The following DNAH6 variants were observed in gnomAD, a reference collection of about 807,000 sequenced individuals.
DNAH6 encodes the protein axonemal beta dynein heavy chain 6.
DNAH6 carries 340 observed loss-of-function variants against 491.4 expected under a neutral mutation model. That is an observed-to-expected ratio of 0.69 (90% CI 0.63 to 0.76). The LOEUF (loss-of-function observed/expected upper bound fraction) is 0.76. DNAH6 is among the 30% of genes least tolerant of loss of function. The probability of loss-of-function intolerance (pLI) is 0.00; values close to 1 mark genes in which losing one functional copy is unlikely to be tolerated. For synonymous variants in DNAH6, 1,603 were observed against 1,686.1 expected (o/e 0.95, Z 1.21); for missense variants, 4,443 against 4,972.2 (o/e 0.89, Z 3.20).
At chr2:84,806,922 T>A (rs11692245) in intron 71 of DNAH6, among the ~76,000 whole-genome samples, 6,774 of 152,158 alleles carry the variant, frequency 0.045, 191 homozygotes, top group African/African-American at 0.078. Context: ...AACAGAGTCA[T>A]TAAATATAAG....
Position 84,752,176 on chromosome 2 carries a change from A to G in DNAH6, c.10512+6927A>G, listed in dbSNP as rs149690802. Among the ~76,000 whole-genome samples, 1,392 of 152,330 alleles carry G rather than the reference A, an allele frequency of 9.1e-3. 8 individuals carry two copies. Among genetic ancestry groups the G allele is most frequent in the Middle Eastern group, 0.037 (11 of 294 alleles). On this transcript the variant is annotated intron_variant, in intron 63 of 76. Transcript: ENST00000389394. ...ATGATGAATCTCACTTAGAGCAACA[A>G]TTGCAAGTTTTTCCCAATTTGGTAA...
Position 84,544,359 on chromosome 2 carries a change from T to C in DNAH6, c.789T>C (p.Tyr263=), listed in dbSNP as rs1479645823. 1.9e-6 allele frequency: 3 copies of C among 1,545,772 alleles called. No homozygotes were observed. The highest frequency in any genetic ancestry group is 1.2e-5 in the South Asian group (1 of 83,928). ...ATCGATGGGAACAGGAATATCTGTATCACAGAGAACTCACTAAGATTCCCA... is the reference window on the plus strand; with the variant it reads ...ATCGATGGGAACAGGAATATCTGTACCACAGAGAACTCACTAAGATTCCCA... ...EIDRWEQEYL[Y]HRELTKIPIF... The change falls in exon 5 of 77, where the codon TAT becomes TAC. Residue 263 remains tyrosine (Y), a synonymous_variant. Transcript: ENST00000389394.
chr2:84,617,024 G>T, intron 23 of DNAH6, 42 bp downstream of exon 23: 2 of 1,096,294 alleles, frequency 1.8e-6, no homozygotes, highest in South Asian at 3.3e-5. Context: ...TAGTAGTTAT[G>T]ACTGTCAATC....
chr2:84,463,704 T>G, the DNAH6 span, among the ~76,000 whole-genome samples: 1 of 152,054 alleles, frequency 6.6e-6, no homozygotes, highest in African/African-American at 2.4e-5. Flanking sequence ...GTGTGTAGAG[T>G]AGCAGCTCCA....
intron 54 of DNAH6, 55 bp from the exon 55 acceptor site, chr2:84,709,288 C>T: frequency 2.0e-6 from 3 of 1,529,272 alleles, no homozygotes; most frequent in African/African-American, 1.4e-5. Context: ...TTGCATGTGC[C>T]CTCGTTTACT....
intron 10 of DNAH6, among the ~76,000 whole-genome samples, chr2:84,555,597 C>T (rs1679942918): frequency 6.6e-6 from 1 of 152,170 alleles, no homozygotes; most frequent in Non-Finnish European, 1.5e-5. Context: ...CTACCTATAT[C>T]TATATGTCTC....
intron 65 of DNAH6, among the ~76,000 whole-genome samples, chr2:84,783,217 G>A (rs1676855669): frequency 1.3e-5 from 2 of 152,140 alleles, no homozygotes; most frequent in African/African-American, 2.4e-5. Flanking sequence ...CTTCCTGACT[G>A]TGCATGTCAT....
At chr2:84,726,045 A>G (rs1177210323) in intron 60 of DNAH6, among the ~76,000 whole-genome samples, 1 of 152,142 alleles carries the variant, frequency 6.6e-6, no homozygotes, top group Non-Finnish European at 1.5e-5. Context: ...ATGGAGACCT[A>G]TTTTGGTGAG....
At chr2:84,734,149 T>A (rs1255078758) in intron 62 of DNAH6, among the ~76,000 whole-genome samples, 1 of 141,392 alleles carries the variant, frequency 7.1e-6, no homozygotes, top group African/African-American at 2.9e-5. Context: ...AACTACACTT[T>A]TTTTTTTTTT....
At chr2:84,545,691 A>G (rs1572975235) in intron 5 of DNAH6, among the ~76,000 whole-genome samples, 1 of 152,160 alleles carries the variant, frequency 6.6e-6, no homozygotes, top group African/African-American at 2.4e-5. Flanking sequence ...TGGCCTAAAT[A>G]ACAGACTCAT....
chr2:84,546,336 A>G (rs1678783339), intron 5 of DNAH6, among the ~76,000 whole-genome samples: 1 of 152,208 alleles, frequency 6.6e-6, no homozygotes, highest in African/African-American at 2.4e-5. Context: ...ATTACTTTTA[A>G]TACCTAATAC....
intron 23 of DNAH6, 48 bp from the exon 24 acceptor site, chr2:84,619,637 A>G (rs751610593): frequency 1.3e-6 from 2 of 1,488,988 alleles, no homozygotes; most frequent in African/African-American, 2.8e-5. Context: ...TCTGTCTAAG[A>G]CTTTACTTCC....
chr2:84,743,060 T>G (rs1672662148), intron 62 of DNAH6, among the ~76,000 whole-genome samples: 2 of 151,838 alleles, frequency 1.3e-5, no homozygotes, highest in African/African-American at 4.8e-5. Flanking sequence ...CAGCTAGAGG[T>G]AGAGATAGAA....
intron 31 of DNAH6, 25 bp downstream of exon 31, chr2:84,637,402 A>G: frequency 6.7e-7 from 1 of 1,492,004 alleles, no homozygotes; most frequent in Non-Finnish European, 9.0e-7. Context: ...ATAAAGCAGC[A>G]GAAATGTAAA....
At chr2:84,809,098 C>T (rs1208405062) in intron 72 of DNAH6, among the ~76,000 whole-genome samples, 4 of 152,294 alleles carry the variant, frequency 2.6e-5, no homozygotes. Context: ...TTTGCAAACA[C>T]CTGTTTGATC....
intron 14 of DNAH6, among the ~76,000 whole-genome samples, chr2:84,581,035 C>T (rs570946991): frequency 6.6e-6 from 1 of 152,332 alleles, no homozygotes; most frequent in African/African-American, 2.4e-5. Context: ...AGCTCCCAAG[C>T]TATAGCTTGC....
At chr2:84,701,640 G>A (rs1180634419) in intron 49 of DNAH6, among the ~76,000 whole-genome samples, 1 of 152,174 alleles carries the variant, frequency 6.6e-6, no homozygotes, top group Non-Finnish European at 1.5e-5. Context: ...TGTGGCAAGA[G>A]CAGGAGCAAG....
At chr2:84,617,721 CAT>C (rs371648096) in intron 23 of DNAH6, among the ~76,000 whole-genome samples, 78 of 152,112 alleles carry the variant, frequency 5.1e-4, no homozygotes, top group East Asian at 3.5e-3. Flanking sequence ...TGTGCACAAA[CAT>C]GTGTGTAAAA....
In DNAH6 at chr2:84,579,551, C is replaced by G. The variant is rs1682807612; in HGVS notation, c.2101C>G (p.Gln701Glu). 6.2e-7 allele frequency: 1 copy of G among 1,613,414 alleles called. No homozygotes were observed. The highest frequency in any genetic ancestry group is 8.5e-7 in the Non-Finnish European group (1 of 1,179,766). The change falls in exon 14 of 77, where the codon CAA becomes GAA. Residue 701 changes from glutamine to glutamate, a missense_variant. This residue lies in a region of DNAH6 where 2,977 missense variants were observed against 3,296.6 expected (regional missense o/e 0.90). Transcript: ENST00000389394. ...LEVLNFMLPR[Q>E]SKKKVDAIIF... ...GGTGCTAAATTTTATGCTTCCTCGT[C>G]AAAGCAAGAAAAAAGTGGATGCCAT...
Sources: gnomAD v4.1 joint callset for allele counts (sites outside exome capture counted in the v4.1 genomes callset) on GRCh38, gnomAD v4.1.1 for gene constraint, gnomAD v4.1.1 regional missense constraint, MANE v1.5 for transcripts, NCBI Gene and HGNC (gene_info 2026-07-23, HGNC 2026-07-21) for gene names.